Variants in RAD54L2 observed in about 807,000 individuals in gnomAD.
RAD54L2 encodes the protein RAD54 like 2, also known as helicase ARIP4.
A neutral mutation model predicts 138.4 loss-of-function variants in RAD54L2; 27 were observed. The observed-to-expected ratio is 0.20, with a 90% CI of 0.14 to 0.27. The LOEUF (loss-of-function observed/expected upper bound fraction) is 0.27. RAD54L2 is among the 10% of genes least tolerant of loss of function. RAD54L2 has a pLI of 1.00. For missense variants in RAD54L2, 1,396 were observed against 1,890.2 expected, an observed-to-expected ratio of 0.74 and a Z score of 4.85; for synonymous variants, 644 against 723.2, an observed-to-expected ratio of 0.89 and a Z score of 1.76.
chr3:51,606,775 C>T (rs1190854335), intron 3 of RAD54L2, among the ~76,000 whole-genome samples: 3 of 151,926 alleles, frequency 2.0e-5, no homozygotes, highest in East Asian at 3.9e-4. Context: ...CTCCACCTCC[C>T]GGGTTCACGC....
At chr3:51,610,798 G>T (rs1387917628) in intron 3 of RAD54L2, among the ~76,000 whole-genome samples, 1 of 152,200 alleles carries the variant, frequency 6.6e-6, no homozygotes, top group East Asian at 1.9e-4. Flanking sequence ...GAGGCTGCCA[G>T]TTGGAACCCC....
chr3:51,567,085 A>G (rs1419810806), intron 2 of RAD54L2, among the ~76,000 whole-genome samples: 1 of 152,118 alleles, frequency 6.6e-6, no homozygotes, highest in Non-Finnish European at 1.5e-5. Context: ...AGCCCAAGGC[A>G]TTATCTCTTA....
chr3:51,646,281 C>A lies in RAD54L2; in HGVS notation c.2830-4C>A. On this transcript the variant is annotated splice_polypyrimidine_tract_variant and splice_region_variant and intron_variant, in intron 18 of 22. Transcript: ENST00000684192. ...ACTAAATCAACATCCTCCTGTGTCC[C>A]CAGGAGCCTTTCGAGCATGAGTCAT... is the stretch of plus-strand genomic sequence containing the variant. 2 of 1,574,802 alleles carry A rather than the reference C, an allele frequency of 1.3e-6. No homozygotes were observed. The highest frequency in any genetic ancestry group is 1.7e-6 in the Non-Finnish European group (2 of 1,160,236).
At chr3:51,651,635 T>A (rs1701439377) in intron 19 of RAD54L2, among the ~76,000 whole-genome samples, 1 of 151,934 alleles carries the variant, frequency 6.6e-6, no homozygotes, top group African/African-American at 2.4e-5. Context: ...GTTCAACATA[T>A]GCAGATCAAT....
intron 7 of RAD54L2, 23 bp from the exon 8 acceptor site, chr3:51,633,554 C>T (rs1285980009): frequency 6.2e-7 from 1 of 1,600,268 alleles, no homozygotes; most frequent in East Asian, 2.2e-5. Context: ...GCCCCTCTGA[C>T]ATTTGTCTTT....
chr3:51,649,372 T>G (rs1290424095), intron 19 of RAD54L2, among the ~76,000 whole-genome samples: 1 of 152,170 alleles, frequency 6.6e-6, no homozygotes, highest in Non-Finnish European at 1.5e-5. Flanking sequence ...GAAAACACTC[T>G]TCAGGATATT....
At chr3:51,541,567 A>G (rs1004784222) in intron 1 of RAD54L2, 22 bp from the exon 2 acceptor site, 1 of 152,112 alleles carries the variant, frequency 6.6e-6, no homozygotes, top group Non-Finnish European at 1.5e-5. Context: ...CTTATCCCCT[A>G]TGTCTGGTTC....
intron 2 of RAD54L2, among the ~76,000 whole-genome samples, chr3:51,555,584 G>A (rs1698941738): frequency 2.0e-5 from 3 of 152,118 alleles, no homozygotes; most frequent in Non-Finnish European, 4.4e-5. Flanking sequence ...TGAACCTGGG[G>A]GAGGCGGAGG....
chr3:51,659,413 A>G (rs575685598), intron 21 of RAD54L2, among the ~76,000 whole-genome samples: 3 of 152,284 alleles, frequency 2.0e-5, no homozygotes, highest in African/African-American at 4.8e-5. Context: ...CCCAAAAACT[A>G]TCTGGCTCTT....
rs2106867334 is a variant in RAD54L2, at chr3:51,665,079, G to A, written c.*1659G>A. The A allele has an allele frequency of 6.6e-6, 1 of 152,230 alleles. No individual in the cohort carries two copies. Among genetic ancestry groups the A allele is most frequent in the Admixed American group, 6.5e-5 (1 of 15,282 alleles). The allele number at this position is 152,230 out of a possible 1,614,324, so 9.4% of individuals were successfully genotyped here. On this transcript the variant is annotated 3_prime_UTR_variant, in exon 23 of 23. Coordinates refer to ENST00000684192, the MANE Select transcript of RAD54L2 (RefSeq NM_015106.4). ...CTTAAAAGAACACACCAGTCATTCT[G>A]GGTCTCCCCTTATTGCCATTGCCAG...
In RAD54L2 at chr3:51,663,351, C is replaced by G. The variant is rs370181135; in HGVS notation, c.4335C>G (p.Ala1445=). Residue 1445 remains alanine, a synonymous_variant, in exon 23 of 23, where the codon GCC becomes GCG. Transcript: ENST00000684192. The part of the protein sequence containing the change: ...QVPPFDSHEV[A]EVGFSSNDDE... ...CTCCATTTGACTCTCATGAGGTTGC[C>G]GAGGTTGGGTTCAGCTCCAATGATG... The G allele has an allele frequency of 6.2e-7, 1 of 1,613,676 alleles. No homozygotes were observed. The highest frequency in any genetic ancestry group is 1.3e-5 in the African/African-American group (1 of 74,822).
intron 3 of RAD54L2, among the ~76,000 whole-genome samples, chr3:51,612,259 G>GT (rs1559636526): frequency 6.6e-6 from 1 of 152,166 alleles, no homozygotes; most frequent in Non-Finnish European, 1.5e-5. Flanking sequence ...GAGGTCAGAA[G>GT]TTTAAGACCA....
chr3:51,567,841 A>G (rs1209583338), intron 2 of RAD54L2, among the ~76,000 whole-genome samples: 5 of 151,784 alleles, frequency 3.3e-5, no homozygotes, highest in Non-Finnish European at 7.4e-5. Flanking sequence ...TAGTACAGGA[A>G]TAAGGCAGGA....
At chr3:51,557,778 C>T (rs1229367675) in intron 2 of RAD54L2, among the ~76,000 whole-genome samples, 1 of 137,708 alleles carries the variant, frequency 7.3e-6, no homozygotes, top group Non-Finnish European at 1.5e-5. Context: ...TGCAGTGAGC[C>T]GAGATTGCGC....
intron 3 of RAD54L2, among the ~76,000 whole-genome samples, chr3:51,622,580 A>G (rs1017340258): frequency 1.3e-5 from 2 of 152,164 alleles, no homozygotes; most frequent in South Asian, 4.1e-4. Context: ...GTGCTGCTGC[A>G]GGGGAGTGAA....
rs759073406 is a variant in RAD54L2, at chr3:51,645,015, C to G, written c.2451-9C>G. ...AAAGGCTCTGTGATTGTTGGCTTGT[C>G]TTTTAAAGGGCCGGATGCTTGGGTG... On this transcript the variant is annotated splice_polypyrimidine_tract_variant and intron_variant, in intron 16 of 22. Transcript: ENST00000684192. The surrounding 1 kb of genome is among the most constrained non-coding windows in gnomAD (Gnocchi z 6.1). 20 of 1,612,918 alleles carry G rather than the reference C, an allele frequency of 1.2e-5. No homozygotes were observed. The highest frequency in any genetic ancestry group is 1.5e-5 in the Non-Finnish European group (18 of 1,179,876).
At chr3:51,629,611 C>A in intron 5 of RAD54L2, 138 bp downstream of exon 5, 1 of 1,127,348 alleles carries the variant, frequency 8.9e-7, no homozygotes, top group Non-Finnish European at 1.2e-6. Context: ...GTAATCCCAG[C>A]ATTATGGGAG....
At chr3:51,597,373 G>A (rs1699986188) in intron 3 of RAD54L2, among the ~76,000 whole-genome samples, 1 of 152,060 alleles carries the variant, frequency 6.6e-6, no homozygotes, top group African/African-American at 2.4e-5. Context: ...GCTTTAGGAT[G>A]AACTTGACAA....
At chr3:51,610,093 G>A (rs1387024971) in intron 3 of RAD54L2, among the ~76,000 whole-genome samples, 2 of 151,930 alleles carry the variant, frequency 1.3e-5, no homozygotes, top group East Asian at 2.0e-4. Context: ...CCGAGATCGA[G>A]CCACTGCACT....
Sources: allele counts gnomAD v4.1 joint callset (sites outside exome capture counted in the v4.1 genomes callset), GRCh38; gene constraint gnomAD v4.1.1; non-coding constraint Gnocchi (gnomAD v3.1); transcripts MANE v1.5; gene names NCBI Gene and HGNC (gene_info 2026-07-23, HGNC 2026-07-21).